CA10: variants seen among roughly 807,000 people sequenced by gnomAD.
The protein encoded by CA10 is carbonic anhydrase 10 (inactive).
In CA10, 14 loss-of-function variants were observed where a neutral mutation model predicts 44.2. The ratio of observed to expected loss-of-function variants is 0.32; its 90% CI spans 0.21 to 0.50. The LOEUF (loss-of-function observed/expected upper bound fraction) is 0.50. CA10 is among the 20% of genes least tolerant of loss of function. The pLI, the probability that CA10 is intolerant of heterozygous loss-of-function variation, is 0.99. For synonymous variants in CA10, 159 were observed against 141.6 expected (o/e 1.12, Z -0.87); for missense variants, 350 against 409.7 (o/e 0.85, Z 1.26).
chr17:51,886,356 G>C (rs889957832), intron 3 of CA10, among the ~76,000 whole-genome samples: 1 of 152,146 alleles, frequency 6.6e-6, no homozygotes, highest in Non-Finnish European at 1.5e-5. Flanking sequence ...TCTTTAAAGA[G>C]TGTTCTACAA....
intron 4 of CA10, among the ~76,000 whole-genome samples, chr17:51,723,324 T>C (rs1366960623): frequency 6.6e-6 from 1 of 152,058 alleles, no homozygotes; most frequent in African/African-American, 2.4e-5. Context: ...GTTCAAAAGG[T>C]GAGGCTAGGG....
intron 3 of CA10, among the ~76,000 whole-genome samples, chr17:51,884,923 A>G (rs764225728): frequency 2.0e-5 from 3 of 152,214 alleles, no homozygotes; most frequent in African/African-American, 7.2e-5. Flanking sequence ...ATTTGTCTGT[A>G]TTCTTGTATC....
intron 1 of CA10, among the ~76,000 whole-genome samples, chr17:52,120,766 C>T (rs1250717705): frequency 6.6e-6 from 1 of 152,178 alleles, no homozygotes; most frequent in Non-Finnish European, 1.5e-5. Context: ...CTAGCCTCTT[C>T]AGCTCATGTG....
chr17:51,960,461 A>G (rs1280381943), intron 2 of CA10, among the ~76,000 whole-genome samples: 1 of 152,134 alleles, frequency 6.6e-6, no homozygotes, highest in Non-Finnish European at 1.5e-5. Context: ...TACTTAAAAC[A>G]CTAAAATCCA....
At chr17:51,990,373 AC>A (rs1364487650) in intron 2 of CA10, among the ~76,000 whole-genome samples, 1 of 152,100 alleles carries the variant, frequency 6.6e-6, no homozygotes, top group Non-Finnish European at 1.5e-5. Flanking sequence ...TATTAAGAAA[AC>A]ATTTATGAAA....
chr17:51,848,624 G>A (rs1269176717), intron 3 of CA10, among the ~76,000 whole-genome samples: 41 of 152,220 alleles, frequency 2.7e-4, no homozygotes, highest in Admixed American at 2.7e-3. Flanking sequence ...CACCTCCTCT[G>A]AGTGTGCCCA....
At chr17:52,153,088 T>C (rs1989737005) in intron 1 of CA10, among the ~76,000 whole-genome samples, 1 of 152,150 alleles carries the variant, frequency 6.6e-6, no homozygotes. Context: ...TGACTTAGGC[T>C]AGTAATCAAA....
At chr17:51,949,063 T>G (rs954207875) in intron 2 of CA10, among the ~76,000 whole-genome samples, 1 of 152,178 alleles carries the variant, frequency 6.6e-6, no homozygotes, top group African/African-American at 2.4e-5. Context: ...GATACTATGA[T>G]CTCTATGAGA....
At chr17:51,743,490 CAGG>C (rs1430836216) in intron 4 of CA10, among the ~76,000 whole-genome samples, 1 of 152,138 alleles carries the variant, frequency 6.6e-6, no homozygotes, top group East Asian at 1.9e-4. Context: ...ACAAGGAATC[CAGG>C]AGTTCTCTGT....
intron 2 of CA10, among the ~76,000 whole-genome samples, chr17:51,971,282 C>T (rs1466592654): frequency 6.6e-6 from 1 of 152,038 alleles, no homozygotes; most frequent in East Asian, 1.9e-4. Context: ...CAACATTATG[C>T]TTACTATCTT....
rs184815523 is a variant in CA10, at chr17:52,108,582, C to T, written c.62-36189G>A. Among the ~76,000 whole-genome samples the T allele has an allele frequency of 2.8e-3, 421 of 151,674 alleles. 1 individual carries two copies. The highest frequency in any genetic ancestry group is 9.3e-3 in the African/African-American group (385 of 41,372). On this transcript the variant is annotated intron_variant, in intron 1 of 8. Transcript: ENST00000451037. Reference sequence around the variant, plus strand: ...GGGCGTGGTGGTGTGTGCCTGTAATCCCAGTTACTTAGGATGCTGAGGCAG... The same window carrying T: ...GGGCGTGGTGGTGTGTGCCTGTAATTCCAGTTACTTAGGATGCTGAGGCAG...
intron 4 of CA10, among the ~76,000 whole-genome samples, chr17:51,717,285 TC>T (rs1285182094): frequency 1.3e-5 from 2 of 152,022 alleles, no homozygotes; most frequent in African/African-American, 4.8e-5. Flanking sequence ...GATAGGAGCA[TC>T]TTTTGTTCTA....
chr17:52,156,342 G>A (rs77002545), intron 1 of CA10, among the ~76,000 whole-genome samples: 1,818 of 152,262 alleles, frequency 0.012, 22 homozygotes, highest in African/African-American at 0.03. Context: ...AATAATAGAA[G>A]TCCCACTAGA....
At chr17:51,856,361 AAACAACAAC>A (rs3033577) in intron 3 of CA10, among the ~76,000 whole-genome samples, 30 of 150,474 alleles carry the variant, frequency 2.0e-4, no homozygotes, top group South Asian at 1.9e-3. Flanking sequence ...CATTTCAGTA[AAACAACAAC>A]AACAACAACA....
At chr17:51,924,114 G>A (rs959015024) in intron 3 of CA10, among the ~76,000 whole-genome samples, 4 of 152,148 alleles carry the variant, frequency 2.6e-5, no homozygotes, top group African/African-American at 9.6e-5. Context: ...CAAATAAAGA[G>A]AGATTTCACA....
intron 1 of CA10, among the ~76,000 whole-genome samples, chr17:52,126,660 T>A (rs1409759720): frequency 1.3e-5 from 2 of 152,224 alleles, no homozygotes; most frequent in African/African-American, 2.4e-5. Context: ...GGACTGTCCA[T>A]CTCACATAAA....
intron 4 of CA10, among the ~76,000 whole-genome samples, chr17:51,722,399 T>C: frequency 6.6e-6 from 1 of 152,204 alleles, no homozygotes; most frequent in Non-Finnish European, 1.5e-5. Context: ...TGTGTGACAT[T>C]TTACCCTTAA....
At chr17:51,994,756 A>G (rs1041702658) in intron 2 of CA10, among the ~76,000 whole-genome samples, 1 of 152,044 alleles carries the variant, frequency 6.6e-6, no homozygotes, top group Non-Finnish European at 1.5e-5. Flanking sequence ...AGGGAAATCT[A>G]CATTTTAATC....
At chr17:51,868,746 G>C (rs1018040902) in intron 3 of CA10, among the ~76,000 whole-genome samples, 1 of 151,940 alleles carries the variant, frequency 6.6e-6, no homozygotes, top group African/African-American at 2.4e-5. Flanking sequence ...ACACTTATGA[G>C]CAGCTCTGTT....
Sources: allele counts gnomAD v4.1 joint callset (sites outside exome capture counted in the v4.1 genomes callset), GRCh38; gene constraint gnomAD v4.1.1; transcripts MANE v1.5; gene names NCBI Gene and HGNC (gene_info 2026-07-23, HGNC 2026-07-21).